Variants in ELAVL2 observed in about 807,000 individuals in gnomAD.
ELAVL2 encodes the protein ELAV-like protein 2.
ELAVL2 carries 4 observed loss-of-function variants against 34.6 expected under a neutral mutation model. The observed-to-expected ratio is 0.12, with a 90% CI of 0.06 to 0.26. ELAVL2 has a LOEUF of 0.26. ELAVL2 is among the 10% of genes least tolerant of loss of function. The pLI is 1.00. For missense variants in ELAVL2, 432 were observed against 442.8 expected, an observed-to-expected ratio of 0.98 and a Z score of 0.22; for synonymous variants, 193 against 154.8, an observed-to-expected ratio of 1.25 and a Z score of -1.83.
chr9:23,718,084 G>A (rs2042765415), intron 3 of ELAVL2, among the ~76,000 whole-genome samples: 1 of 152,054 alleles, frequency 6.6e-6, no homozygotes, highest in Non-Finnish European at 1.5e-5. Flanking sequence ...GTCTTGTTAT[G>A]GTTCCATATA....
At chr9:23,718,913 T>A (rs559285191) in intron 3 of ELAVL2, among the ~76,000 whole-genome samples, 1 of 152,188 alleles carries the variant, frequency 6.6e-6, no homozygotes, top group African/African-American at 2.4e-5. Context: ...CTGAGCTGTA[T>A]ATTCCCCCTA....
At chr9:23,787,380 C>T (rs1023435545) in intron 1 of ELAVL2, among the ~76,000 whole-genome samples, 2 of 151,516 alleles carry the variant, frequency 1.3e-5, no homozygotes, top group African/African-American at 2.4e-5. Flanking sequence ...TACAGGCACC[C>T]GCCACCATGC....
At chr9:23,708,983 G>C (rs999111626) in intron 3 of ELAVL2, among the ~76,000 whole-genome samples, 15 of 151,988 alleles carry the variant, frequency 9.9e-5, no homozygotes, top group Admixed American at 3.3e-4. Flanking sequence ...AAGAGAAGTG[G>C]CCACTAATTA....
intron 2 of ELAVL2, among the ~76,000 whole-genome samples, chr9:23,737,046 G>A (rs540302740): frequency 2.0e-5 from 3 of 152,174 alleles, no homozygotes; most frequent in South Asian, 4.2e-4. Context: ...TGCTCCTCTC[G>A]ACTAGTCCTC....
intron 5 of ELAVL2, among the ~76,000 whole-genome samples, chr9:23,697,183 A>G (rs889458434): frequency 6.6e-6 from 1 of 152,174 alleles, no homozygotes. Flanking sequence ...CCTCCATTTA[A>G]AGAAAAAGTA....
At chr9:23,804,181 A>ATTTAT (rs1158368340) in intron 1 of ELAVL2, among the ~76,000 whole-genome samples, 1 of 147,208 alleles carries the variant, frequency 6.8e-6, no homozygotes, top group Non-Finnish European at 1.5e-5. Flanking sequence ...TTATTTATTT[A>ATTTAT]TTTTTTTTTT....
intron 1 of ELAVL2, among the ~76,000 whole-genome samples, chr9:23,775,941 T>C (rs1357635228): frequency 6.6e-6 from 1 of 152,196 alleles, no homozygotes; most frequent in Non-Finnish European, 1.5e-5. Flanking sequence ...TGTGCTCCTA[T>C]ATGCCTGACT....
At chr9:23,767,703 G>A (rs1477774718) in intron 1 of ELAVL2, among the ~76,000 whole-genome samples, 2 of 152,124 alleles carry the variant, frequency 1.3e-5, no homozygotes, top group South Asian at 4.1e-4. Flanking sequence ...AACCCAGGAG[G>A]GGGAGGTTGC....
rs761812518 is a variant in ELAVL2 at position 23,808,922 on chromosome 9, A to C, written c.-16+16884T>G. Among the ~76,000 whole-genome samples the C allele has an allele frequency of 2.6e-5, 4 of 152,290 alleles. No homozygotes were observed. In the South Asian group the frequency reaches 6.2e-4, roughly 24 times the overall value. On this transcript the variant is annotated intron_variant, in intron 1 of 6. Transcript: ENST00000397312. ...ATAGGGAACTGGGGAGCTACAAAGC[A>C]TTTTACCCAACAAAATCTCTGGTAG...
At chr9:23,717,148 T>G (rs2042521575) in intron 3 of ELAVL2, among the ~76,000 whole-genome samples, 1 of 152,208 alleles carries the variant, frequency 6.6e-6, no homozygotes, top group Non-Finnish European at 1.5e-5. Context: ...AAAACTGCTT[T>G]GCAACAATGT....
At chr9:23,808,278 A>G (rs1048864332) in intron 1 of ELAVL2, among the ~76,000 whole-genome samples, 6 of 152,178 alleles carry the variant, frequency 3.9e-5, no homozygotes, top group African/African-American at 1.2e-4. Context: ...ATTATATGTA[A>G]TAATTTGTAG....
chr9:23,794,460 T>C (rs1052774088), intron 1 of ELAVL2, among the ~76,000 whole-genome samples: 1 of 152,210 alleles, frequency 6.6e-6, no homozygotes, highest in Admixed American at 6.5e-5. Context: ...TCCTAAAAGC[T>C]TCTGAGGACA....
At chr9:23,757,924 C>T (rs1442795492) in intron 2 of ELAVL2, among the ~76,000 whole-genome samples, 2 of 152,112 alleles carry the variant, frequency 1.3e-5, no homozygotes, top group African/African-American at 4.8e-5. Context: ...GAAGCACACA[C>T]TTTCCTAACT....
chr9:23,714,408 A>G (rs781014773), intron 3 of ELAVL2, among the ~76,000 whole-genome samples: 1 of 152,204 alleles, frequency 6.6e-6, no homozygotes, highest in Non-Finnish European at 1.5e-5. Flanking sequence ...AATATTCCAA[A>G]TATTTTGTAA....
chr9:23,775,056 G>T (rs921692880), intron 1 of ELAVL2, among the ~76,000 whole-genome samples: 2 of 152,054 alleles, frequency 1.3e-5, no homozygotes, highest in Non-Finnish European at 1.5e-5. Flanking sequence ...TTAATTACAA[G>T]AAAAATAGAA....
chr9:23,814,087 G>A (rs1166502170), intron 1 of ELAVL2, among the ~76,000 whole-genome samples: 2 of 151,950 alleles, frequency 1.3e-5, no homozygotes, highest in Non-Finnish European at 2.9e-5. Context: ...TTACCAAACC[G>A]TAAATCAACA....
chr9:23,779,127 T>G, intron 1 of ELAVL2: 1 of 933,184 alleles, frequency 1.1e-6, no homozygotes, highest in South Asian at 4.9e-5. Flanking sequence ...AACATTAAAT[T>G]TCCAGGTTAA....
chr9:23,810,668 G>T (rs1050481932), intron 1 of ELAVL2, among the ~76,000 whole-genome samples: 1 of 152,148 alleles, frequency 6.6e-6, no homozygotes, highest in Non-Finnish European at 1.5e-5. Context: ...TCCATGGAAA[G>T]AGGTACAGAA....
chr9:23,839,587 T>C, the ELAVL2 span, among the ~76,000 whole-genome samples: 25 of 152,296 alleles, frequency 1.6e-4, no homozygotes, highest in East Asian at 4.4e-3. Flanking sequence ...AATTGCACAG[T>C]CCACACTGGA....
Sources: allele counts gnomAD v4.1 joint callset (sites outside exome capture counted in the v4.1 genomes callset), GRCh38; gene constraint gnomAD v4.1.1; transcripts MANE v1.5; gene names NCBI Gene and HGNC (gene_info 2026-07-23, HGNC 2026-07-21).